The following ZSCAN25 variants were observed in gnomAD, a reference collection of about 807,000 sequenced individuals.
The protein encoded by ZSCAN25 is zinc finger and SCAN domain containing 25, also known as zinc finger and SCAN domain-containing protein 25.
Under a neutral mutation model 38.7 loss-of-function variants are expected in ZSCAN25, and 27 were observed. The ratio of observed to expected loss-of-function variants is 0.70; its 90% confidence interval spans 0.51 to 0.96. The LOEUF (loss-of-function observed/expected upper bound fraction) is 0.96. ZSCAN25 is among the 40% of genes least tolerant of loss of function. ZSCAN25 has a pLI of 0.00. For missense variants in ZSCAN25, 637 were observed against 705.9 expected, an observed-to-expected ratio of 0.90 and a Z score of 1.11; for synonymous variants, 273 against 277.7, an observed-to-expected ratio of 0.98 and a Z score of 0.17.
the ZSCAN25 span, among the ~76,000 whole-genome samples, chr7:99,737,958 G>A: frequency 6.6e-6 from 1 of 152,162 alleles, no homozygotes; most frequent in Non-Finnish European, 1.5e-5. Context: ...AAGATACTAT[G>A]CATTGGAAGA....
At position 99,619,560 on chromosome 7, in the gene ZSCAN25, G is replaced by A; in HGVS notation, c.-46-1G>A. ...TTTCATGTGTCTCTTGTTCTCAAAA[G>A]GGTCATTGATGCAGTCATTCTCAGT... is the stretch of plus-strand genomic sequence containing the variant. On this transcript the variant is annotated splice_acceptor_variant, in intron 3 of 7. Transcript: ENST00000394152. LOFTEE classifies it low-confidence loss of function (5UTR_SPLICE). 1 of 1,553,820 alleles carries A rather than the reference G, an allele frequency of 6.4e-7. No individual in the cohort carries two copies. The highest frequency in any genetic ancestry group is 1.4e-5 in the African/African-American group (1 of 73,180).
Position 99,629,606 on chromosome 7 carries a change from G to A in ZSCAN25, c.1221G>A (p.Glu407=), listed in dbSNP as rs761367128. The A allele has an allele frequency of 4.3e-6, 7 of 1,614,030 alleles. No individual in the cohort carries two copies. Among genetic ancestry groups the A allele is most frequent in the Non-Finnish European group, 5.9e-6 (7 of 1,180,050 alleles). Residue 407 remains glutamate, a synonymous_variant, in exon 8 of 8, where the codon GAG becomes GAA. Transcript: ENST00000394152. This position sits in a 1 kb window ranked among gnomAD's most constrained non-coding sequence, Gnocchi z 5.6. ...HLGKRPYVCS[E]CWKTFSQRHH... is the part of the protein sequence containing the mutation. ...GAAAGAGGCCCTACGTGTGCAGCGAGTGCTGGAAAACCTTCAGCCAGAGAC... is the reference window on the plus strand; with the variant it reads ...GAAAGAGGCCCTACGTGTGCAGCGAATGCTGGAAAACCTTCAGCCAGAGAC...
chr7:99,708,904 GA>G, the ZSCAN25 span: 1 of 1,086,692 alleles, frequency 9.2e-7, no homozygotes. Context: ...TCAATTTCAT[GA>G]TTTGAAAAAA....
the ZSCAN25 span, among the ~76,000 whole-genome samples, chr7:99,736,447 G>A: frequency 6.6e-6 from 1 of 152,166 alleles, no homozygotes; most frequent in Non-Finnish European, 1.5e-5. Context: ...TAGAGATGAG[G>A]CCTGTAATAA....
chr7:99,638,167 G>A, the ZSCAN25 span: 1 of 1,306,916 alleles, frequency 7.7e-7, no homozygotes, highest in Non-Finnish European at 1.0e-6. Context: ...AATTGAAAGA[G>A]GAGATGGTGG....
At chr7:99,635,092 C>T (rs182679198), downstream of ZSCAN25, among the ~76,000 whole-genome samples, 30 of 151,858 alleles carry the variant, frequency 2.0e-4, no homozygotes, top group Admixed American at 2.6e-4. Context: ...CAGGGTTTCT[C>T]AACCCCTGCA....
At chr7:99,664,113 C>G in the ZSCAN25 span, 5 of 1,546,794 alleles carry the variant, frequency 3.2e-6, no homozygotes, top group Admixed American at 9.4e-5. Flanking sequence ...AAAAACAAAA[C>G]AAACAAAAGG....
At chr7:99,703,478 A>G in the ZSCAN25 span, among the ~76,000 whole-genome samples, 2 of 152,094 alleles carry the variant, frequency 1.3e-5, no homozygotes, top group African/African-American at 2.4e-5. Flanking sequence ...TTTTTTTTGT[A>G]CACACACACA....
the ZSCAN25 span, among the ~76,000 whole-genome samples, chr7:99,690,479 C>G: frequency 1.3e-5 from 2 of 152,070 alleles, no homozygotes; most frequent in Admixed American, 1.3e-4. Flanking sequence ...TTCTGCACAG[C>G]AAAAGAAACT....
the ZSCAN25 span, among the ~76,000 whole-genome samples, chr7:99,730,094 G>A: frequency 6.6e-6 from 1 of 152,152 alleles, no homozygotes; most frequent in Non-Finnish European, 1.5e-5. Context: ...GCTGCTGCTG[G>A]CCCTGTGGAA....
the ZSCAN25 span, among the ~76,000 whole-genome samples, chr7:99,692,828 A>G: frequency 6.6e-6 from 1 of 151,954 alleles, no homozygotes; most frequent in Non-Finnish European, 1.5e-5. Context: ...CTATCTTGTG[A>G]TGGGTTAGAA....
the ZSCAN25 span, among the ~76,000 whole-genome samples, chr7:99,653,557 A>C: frequency 6.6e-6 from 1 of 152,248 alleles, no homozygotes; most frequent in Non-Finnish European, 1.5e-5. This position sits in a 1 kb window ranked among gnomAD's most constrained non-coding sequence, Gnocchi z 4.2. Flanking sequence ...CTACCAAGGT[A>C]CACAATTTGA....
At chr7:99,734,336 A>G in the ZSCAN25 span, among the ~76,000 whole-genome samples, 14 of 152,200 alleles carry the variant, frequency 9.2e-5, no homozygotes, top group South Asian at 6.2e-4. Flanking sequence ...CACCTGCTCT[A>G]GGATGCCAGG....
chr7:99,652,780 C>G, the ZSCAN25 span: 1 of 1,611,500 alleles, frequency 6.2e-7, no homozygotes, highest in Admixed American at 1.7e-5. Flanking sequence ...TAGGTGGTGC[C>G]TGGAAGGAAA....
At chr7:99,737,277 CT>C in the ZSCAN25 span, among the ~76,000 whole-genome samples, 4 of 152,242 alleles carry the variant, frequency 2.6e-5, no homozygotes, top group East Asian at 7.7e-4. Context: ...AGGTCCTCTG[CT>C]GCTCTGGTGC....
the ZSCAN25 span, chr7:99,720,317 C>T: frequency 2.9e-5 from 46 of 1,612,662 alleles, no homozygotes; most frequent in African/African-American, 2.1e-4. Context: ...GCTTACCCTC[C>T]GGTTTGTGAA....
chr7:99,671,633 TA>T, the ZSCAN25 span: 5 of 566,078 alleles, frequency 8.8e-6, no homozygotes, highest in Non-Finnish European at 1.3e-5. Flanking sequence ...TTAAACTATA[TA>T]ACTCTTAGAA....
the ZSCAN25 span, among the ~76,000 whole-genome samples, chr7:99,676,938 A>T: frequency 1.3e-5 from 2 of 152,030 alleles, no homozygotes; most frequent in Non-Finnish European, 2.9e-5. Flanking sequence ...AGGATGGTTG[A>T]TCCATATGTC....
At chr7:99,668,281 G>A in the ZSCAN25 span, among the ~76,000 whole-genome samples, 1 of 152,130 alleles carries the variant, frequency 6.6e-6, no homozygotes, top group South Asian at 2.1e-4. Context: ...AGTAATAAAA[G>A]CTAAAGAAAT....
Sources: allele counts gnomAD v4.1 joint callset (sites outside exome capture counted in the v4.1 genomes callset), GRCh38; gene constraint gnomAD v4.1.1; non-coding constraint Gnocchi (gnomAD v3.1); transcripts MANE v1.5; gene names NCBI Gene and HGNC (gene_info 2026-07-23, HGNC 2026-07-21).